Variants in C8orf34 observed in about 807,000 individuals in gnomAD.
The protein encoded by C8orf34 is uncharacterized protein C8orf34.
Under a neutral mutation model 68.3 loss-of-function variants are expected in C8orf34, and 65 were observed. The ratio of observed to expected loss-of-function variants is 0.95; its 90% confidence interval spans 0.78 to 1.17. The LOEUF (loss-of-function observed/expected upper bound fraction) is 1.17. Ranked by LOEUF, C8orf34 falls within the 50% of genes most tolerant of loss-of-function variation. C8orf34 has a pLI of 0.00. For missense variants in C8orf34, 664 were observed against 655.4 expected (o/e 1.01, Z -0.14); for synonymous variants, 244 against 241.2 (o/e 1.01, Z -0.11).
At chr8:68,717,654 T>C (rs889943262) in intron 9 of C8orf34, among the ~76,000 whole-genome samples, 1 of 152,138 alleles carries the variant, frequency 6.6e-6, no homozygotes, top group Non-Finnish European at 1.5e-5. Flanking sequence ...CTTTGTAATT[T>C]GTAATTTAAA....
intron 7 of C8orf34, among the ~76,000 whole-genome samples, chr8:68,553,712 A>G (rs1353091001): frequency 1.3e-5 from 2 of 152,044 alleles, no homozygotes; most frequent in African/African-American, 2.4e-5. Flanking sequence ...TTCTGATTTT[A>G]GTAATTTAAG....
At chr8:68,330,705 C>T (rs1435981433), upstream of C8orf34, 2 of 313,068 alleles carry the variant, frequency 6.4e-6, no homozygotes, top group African/African-American at 2.2e-5. Context: ...CGCTAGGGAG[C>T]GGCTGGTAGG....
chr8:68,752,366 G>C (rs1252118070), intron 10 of C8orf34, among the ~76,000 whole-genome samples: 1 of 152,112 alleles, frequency 6.6e-6, no homozygotes, highest in Non-Finnish European at 1.5e-5. Context: ...CATCCTGTGG[G>C]ACCTTCCCTT....
chr8:68,385,204 T>A (rs985243480), intron 1 of C8orf34, among the ~76,000 whole-genome samples: 12 of 152,120 alleles, frequency 7.9e-5, no homozygotes, highest in Non-Finnish European at 1.2e-4. Flanking sequence ...CCTTATGTGG[T>A]AATTTTGTCA....
intron 1 of C8orf34, among the ~76,000 whole-genome samples, chr8:68,380,660 CTCTT>C (rs1807992890): frequency 6.6e-6 from 1 of 152,198 alleles, no homozygotes; most frequent in South Asian, 2.1e-4. Flanking sequence ...CATTAAAAAA[CTCTT>C]TATGCTACAC....
At chr8:68,626,839 C>T (rs1202648273) in intron 7 of C8orf34, among the ~76,000 whole-genome samples, 2 of 151,948 alleles carry the variant, frequency 1.3e-5, no homozygotes, top group Non-Finnish European at 2.9e-5. Flanking sequence ...TGAAATAATG[C>T]TTTCTGTAAT....
In C8orf34 at chr8:68,692,034, G is replaced by A. The variant is rs566381366; in HGVS notation, c.1242-16960G>A. On this transcript the variant is annotated intron_variant, in intron 8 of 13. Transcript: ENST00000518698. Reference sequence around the variant, plus strand: ...ACAAATATTAAATATTTGAGAGGAGGGTTATGTAGCAAAAAAGGCAAGAAA... The same window carrying A: ...ACAAATATTAAATATTTGAGAGGAGAGTTATGTAGCAAAAAAGGCAAGAAA... 2.7e-3 allele frequency among the ~76,000 whole-genome samples: 403 copies of A among 152,062 alleles called. 1 individual carries two copies. Among genetic ancestry groups the A allele is most frequent in the African/African-American group, 8.9e-3 (368 of 41,524 alleles).
intron 6 of C8orf34, chr8:68,530,767 A>T (rs1349558921): frequency 6.9e-6 from 2 of 288,460 alleles, no homozygotes; most frequent in Admixed American, 6.3e-5. Context: ...TAGTCAAATT[A>T]AAAAATTACT....
intron 8 of C8orf34, among the ~76,000 whole-genome samples, chr8:68,655,797 G>A (rs1390893011): frequency 2.6e-5 from 4 of 152,126 alleles, no homozygotes; most frequent in Non-Finnish European, 4.4e-5. Flanking sequence ...AACAACAATA[G>A]CAAGATTTAA....
intron 7 of C8orf34, among the ~76,000 whole-genome samples, chr8:68,630,589 T>C (rs1053031597): frequency 6.6e-6 from 1 of 152,162 alleles, no homozygotes; most frequent in Admixed American, 6.6e-5. Context: ...AATGCACTTA[T>C]AGGTAATATA....
intron 10 of C8orf34, among the ~76,000 whole-genome samples, chr8:68,722,018 T>C (rs1241842064): frequency 6.6e-6 from 1 of 152,100 alleles, no homozygotes; most frequent in Non-Finnish European, 1.5e-5. Context: ...ACTGGGTTTG[T>C]ATGTGTCTAT....
chr8:68,773,026 A>G (rs62520981), intron 10 of C8orf34, among the ~76,000 whole-genome samples: 39,228 of 151,566 alleles, frequency 0.26, 5,225 homozygotes, highest in Middle Eastern at 0.4. Flanking sequence ...TTTTTTATTC[A>G]TTCCCAGGTA....
rs2130670558 is a variant in C8orf34, at chr8:68,626,624, A to G, written c.1106-13752A>G. Among the ~76,000 whole-genome samples the G allele has an allele frequency of 1.3e-5, 2 of 152,298 alleles. 1 individual carries two copies. Among genetic ancestry groups the G allele is most frequent in the East Asian group, 3.9e-4 (2 of 5,186 alleles). ...ATTAAGAATCAAAATATCATCAACT[A>G]TGATACAAGGTTCGATTATTAGGTT... On this transcript the variant is annotated intron_variant, in intron 7 of 13. Coordinates refer to ENST00000518698, the MANE Select transcript of C8orf34 (RefSeq NM_052958.4).
At chr8:68,779,432 A>G (rs1485693676) in intron 11 of C8orf34, among the ~76,000 whole-genome samples, 1 of 152,190 alleles carries the variant, frequency 6.6e-6, no homozygotes, top group Non-Finnish European at 1.5e-5. Context: ...GGTGAGGGCC[A>G]GAGGCAACAT....
chr8:68,621,056 CA>C (rs1818374610), intron 7 of C8orf34, among the ~76,000 whole-genome samples: 1 of 152,048 alleles, frequency 6.6e-6, no homozygotes, highest in Non-Finnish European at 1.5e-5. Flanking sequence ...GAAATCTATT[CA>C]ATATGTTTTA....
chr8:68,605,926 C>A (rs1273904269), intron 7 of C8orf34, among the ~76,000 whole-genome samples: 1 of 152,048 alleles, frequency 6.6e-6, no homozygotes, highest in African/African-American at 2.4e-5. Flanking sequence ...AGATGAACCC[C>A]TGGGGGATGT....
chr8:68,360,137 A>T (rs1806922095), intron 1 of C8orf34, among the ~76,000 whole-genome samples: 1 of 152,172 alleles, frequency 6.6e-6, no homozygotes, highest in Admixed American at 6.5e-5. Flanking sequence ...TTCTCTCCTT[A>T]AACAAAAATT....
chr8:68,601,718 T>C (rs1421968048), intron 7 of C8orf34, among the ~76,000 whole-genome samples: 1 of 147,298 alleles, frequency 6.8e-6, no homozygotes, highest in Non-Finnish European at 1.5e-5. Context: ...ATCCATCCAA[T>C]TCATCTTGGT....
chr8:68,352,948 A>G (rs1288011116), intron 1 of C8orf34, among the ~76,000 whole-genome samples: 1 of 152,142 alleles, frequency 6.6e-6, no homozygotes, highest in African/African-American at 2.4e-5. Context: ...TTGACATGGA[A>G]TGGTGTCTAT....
Sources: allele counts gnomAD v4.1 joint callset (sites outside exome capture counted in the v4.1 genomes callset), GRCh38; gene constraint gnomAD v4.1.1; transcripts MANE v1.5; gene names NCBI Gene and HGNC (gene_info 2026-07-23, HGNC 2026-07-21).